RFX3: variants seen among roughly 807,000 people sequenced by gnomAD.
The protein encoded by RFX3 is transcription factor RFX3.
In RFX3, 14 loss-of-function variants were observed where a neutral mutation model predicts 98.6. The ratio of observed to expected loss-of-function variants is 0.14; its 90% CI spans 0.09 to 0.22. The LOEUF is 0.22. RFX3 is among the 10% of genes least tolerant of loss of function. RFX3 has a pLI of 1.00. For synonymous variants in RFX3, 383 were observed against 328.4 expected (o/e 1.17, Z -1.80); for missense variants, 639 against 926.9 (o/e 0.69, Z 4.03).
intron 1 of RFX3, among the ~76,000 whole-genome samples, chr9:3,433,201 A>G (rs1844807905): frequency 6.6e-6 from 1 of 152,108 alleles, no homozygotes; most frequent in Non-Finnish European, 1.5e-5. Flanking sequence ...GTTGTTCAAG[A>G]GTCAACTGTA....
Position 3,221,072 on chromosome 9 carries a change from A to G in RFX3, c.*3970T>C, listed in dbSNP as rs932290258. ...ATGTGTGTGTCTGGGGGATATAATAAAGGTCAATTTATTGTATATAACCAC... is the reference window on the plus strand; with the variant it reads ...ATGTGTGTGTCTGGGGGATATAATAGAGGTCAATTTATTGTATATAACCAC... On this transcript the variant is annotated 3_prime_UTR_variant, in exon 17 of 17. Transcript: ENST00000617270. 2.0e-5 allele frequency: 3 copies of G among 152,112 alleles called. No individual in the cohort carries two copies. Among genetic ancestry groups the G allele is most frequent in the African/African-American group, 7.2e-5 (3 of 41,436 alleles). 9.4% of individuals were successfully genotyped at this position (152,112 alleles called of 1,614,324 possible).
intron 15 of RFX3, among the ~76,000 whole-genome samples, chr9:3,237,084 T>C (rs1819261411): frequency 6.6e-6 from 1 of 152,252 alleles, no homozygotes; most frequent in Admixed American, 6.5e-5. Context: ...ACTTCACAAG[T>C]ACTTACAAAA....
At chr9:3,504,192 A>C (rs1185258886) in intron 1 of RFX3, among the ~76,000 whole-genome samples, 2 of 94,204 alleles carry the variant, frequency 2.1e-5, no homozygotes, top group Non-Finnish European at 3.5e-5. Flanking sequence ...CATATTATAT[A>C]TTATATATAT....
In RFX3 at chr9:3,378,845, C is replaced by T. The variant is rs536297139; in HGVS notation, c.117+16627G>A. Among the ~76,000 whole-genome samples, 10 of 152,184 alleles carry T rather than the reference C, an allele frequency of 6.6e-5. No homozygotes were observed. In the East Asian group the frequency reaches 1.9e-3, roughly 29 times the overall value. ...TGCTGGGATTACAGGCGTGAACTAC[C>T]ATGCCCGGCCTTCTTTCTCATATTC... On this transcript the variant is annotated intron_variant, in intron 2 of 16. Coordinates refer to ENST00000617270, the MANE Select transcript of RFX3 (RefSeq NM_001282116.2).
chr9:3,331,083 C>T (rs1832549017), intron 3 of RFX3, among the ~76,000 whole-genome samples: 1 of 152,214 alleles, frequency 6.6e-6, no homozygotes, highest in Non-Finnish European at 1.5e-5. Flanking sequence ...TTTCCCTTCA[C>T]ACTTAAGCTC....
chr9:3,502,859 G>T (rs1021087781), intron 1 of RFX3, among the ~76,000 whole-genome samples: 1 of 152,134 alleles, frequency 6.6e-6, no homozygotes, highest in African/African-American at 2.4e-5. Flanking sequence ...GGGAATAAAT[G>T]ATTATAGCTG....
intron 2 of RFX3, among the ~76,000 whole-genome samples, chr9:3,373,804 C>T (rs1838121348): frequency 6.6e-6 from 1 of 152,144 alleles, no homozygotes; most frequent in East Asian, 1.9e-4. Flanking sequence ...ACCAGCCAAG[C>T]ACAGTGGCTC....
intron 15 of RFX3, among the ~76,000 whole-genome samples, chr9:3,245,644 C>T (rs187780531): frequency 6.6e-5 from 10 of 152,202 alleles, no homozygotes; most frequent in Admixed American, 2.0e-4. Flanking sequence ...AGGATCGTGG[C>T]GCCATTTACT....
chr9:3,248,442 G>A (rs564606182), intron 14 of RFX3, among the ~76,000 whole-genome samples: 4 of 152,076 alleles, frequency 2.6e-5, no homozygotes, highest in African/African-American at 9.7e-5. Context: ...TACTATCATG[G>A]GCAAGTCTGC....
At position 3,228,893 on chromosome 9, in the gene RFX3, C is replaced by T; in HGVS notation, c.1969-4G>A. 1.9e-6 allele frequency: 3 copies of T among 1,610,178 alleles called. No individual in the cohort carries two copies. Among genetic ancestry groups the T allele is most frequent in the Non-Finnish European group, 2.5e-6 (3 of 1,178,350 alleles). On this transcript the variant is annotated splice_polypyrimidine_tract_variant and splice_region_variant and intron_variant, in intron 15 of 16. Transcript: ENST00000617270. ...ACACGGCATTTAAATCACCAAACTG[C>T]AAAACAATAGTCATTTGTGCAATAG...
At chr9:3,366,732 T>TTC (rs1207764396) in intron 2 of RFX3, among the ~76,000 whole-genome samples, 2 of 149,380 alleles carry the variant, frequency 1.3e-5, no homozygotes, top group African/African-American at 5.0e-5. Context: ...CTTTCTTTCT[T>TTC]TCTTTCTTTC....
intron 1 of RFX3, among the ~76,000 whole-genome samples, chr9:3,518,394 T>C (rs918116678): frequency 6.6e-6 from 1 of 152,144 alleles, no homozygotes; most frequent in African/African-American, 2.4e-5. Flanking sequence ...GGGCTAATTA[T>C]CTACAAAAAT....
At chr9:3,227,658 T>C (rs1376335432) in intron 16 of RFX3, among the ~76,000 whole-genome samples, 1 of 152,204 alleles carries the variant, frequency 6.6e-6, no homozygotes, top group Non-Finnish European at 1.5e-5. Context: ...ATTTGGGTTA[T>C]GAGGCTTTGG....
chr9:3,324,941 G>A (rs746673708), intron 4 of RFX3, among the ~76,000 whole-genome samples: 1 of 152,046 alleles, frequency 6.6e-6, no homozygotes, highest in Non-Finnish European at 1.5e-5. Context: ...TCCAGCCTGG[G>A]TGGCAGAGTG....
At chr9:3,352,480 C>G (rs759562733) in intron 2 of RFX3, among the ~76,000 whole-genome samples, 2 of 151,828 alleles carry the variant, frequency 1.3e-5, no homozygotes, top group Admixed American at 6.6e-5. Context: ...ATATTAAAAT[C>G]ATATTAAACA....
chr9:3,501,275 G>T (rs560069411), intron 1 of RFX3, among the ~76,000 whole-genome samples: 11 of 152,148 alleles, frequency 7.2e-5, no homozygotes, highest in Admixed American at 2.0e-4. Context: ...AAATAGAACA[G>T]ATTTTTCTTA....
intron 3 of RFX3, among the ~76,000 whole-genome samples, chr9:3,340,525 A>C (rs1458729059): frequency 6.6e-6 from 1 of 152,244 alleles, no homozygotes; most frequent in Non-Finnish European, 1.5e-5. Flanking sequence ...GCTAATATCC[A>C]GAATCCGCAA....
intron 4 of RFX3, among the ~76,000 whole-genome samples, chr9:3,327,719 T>C (rs1832085391): frequency 6.6e-6 from 1 of 152,116 alleles, no homozygotes; most frequent in Non-Finnish European, 1.5e-5. Flanking sequence ...ATATTATAAA[T>C]TGGTGTTTTG....
chr9:3,396,353 C>T (rs1458759010), intron 1 of RFX3, among the ~76,000 whole-genome samples: 1 of 152,060 alleles, frequency 6.6e-6, no homozygotes, highest in Non-Finnish European at 1.5e-5. Flanking sequence ...ATCCGTGTCC[C>T]TACAAAGGAC....
Sources: allele counts gnomAD v4.1 joint callset (sites outside exome capture counted in the v4.1 genomes callset), GRCh38; gene constraint gnomAD v4.1.1; transcripts MANE v1.5; gene names NCBI Gene and HGNC (gene_info 2026-07-23, HGNC 2026-07-21).